GPAT3: variants seen among roughly 807,000 people sequenced by gnomAD.
GPAT3 encodes 1-AGP acyltransferase 9.
A neutral mutation model predicts 58.8 loss-of-function variants in GPAT3; 53 were observed. That is an observed-to-expected ratio of 0.90 (90% CI 0.72 to 1.13). GPAT3 has a LOEUF of 1.13. GPAT3 is among the 50% of genes most tolerant of loss of function. GPAT3 has a pLI of 0.00. For missense variants in GPAT3, 511 were observed against 527.6 expected, an observed-to-expected ratio of 0.97 and a Z score of 0.31; for synonymous variants, 197 against 187.4, an observed-to-expected ratio of 1.05 and a Z score of -0.42.
At chr4:83,536,883 C>A in intron 1 of GPAT3, 120 bp downstream of exon 1, 1 of 902,906 alleles carries the variant, frequency 1.1e-6, no homozygotes, top group Non-Finnish European at 1.7e-6. Context: ...TGCATGCGTG[C>A]GTGCATTTCT....
intron 2 of GPAT3, among the ~76,000 whole-genome samples, chr4:83,563,152 C>G (rs1725243210): frequency 6.6e-6 from 1 of 152,200 alleles, no homozygotes; most frequent in South Asian, 2.1e-4. Flanking sequence ...AACCATCATA[C>G]TGATGTTTTT....
rs965002452 is a variant in GPAT3, at chr4:83,590,182, A to T, written c.645-17A>T. 1 of 1,606,592 alleles carries T rather than the reference A, an allele frequency of 6.2e-7. No individual in the cohort carries two copies. The highest frequency in any genetic ancestry group is 1.1e-5 in the South Asian group (1 of 89,892). ...TATTTTAGAAGACTTCGAATTTTCCATTGTTTGTAATTGCAGGCAGTACAG... is the reference window on the plus strand; with the variant it reads ...TATTTTAGAAGACTTCGAATTTTCCTTTGTTTGTAATTGCAGGCAGTACAG... On this transcript the variant is annotated splice_polypyrimidine_tract_variant and intron_variant, in intron 5 of 11. Coordinates refer to ENST00000264409, the MANE Select transcript of GPAT3 (RefSeq NM_032717.5).
At chr4:83,549,180 A>AG (rs397970588) in intron 2 of GPAT3, among the ~76,000 whole-genome samples, 3 of 151,390 alleles carry the variant, frequency 2.0e-5, no homozygotes, top group Non-Finnish European at 4.4e-5. Flanking sequence ...AAAAAAAAAA[A>AG]GAAAATTGAG....
chr4:83,590,981 GCAGGATAATTGAAGCTGCATGGTAGTTA>G (rs533283281), intron 6 of GPAT3, among the ~76,000 whole-genome samples: 38 of 144,378 alleles, frequency 2.6e-4, no homozygotes, highest in African/African-American at 9.5e-4. Flanking sequence ...GGTAAATTCT[GCAGGATAATTGAAGCTGCATGGTAGTTA>G]AATATGCCTT....
At chr4:83,542,112 C>G (rs1274212564) in intron 1 of GPAT3, among the ~76,000 whole-genome samples, 1 of 152,132 alleles carries the variant, frequency 6.6e-6, no homozygotes, top group Non-Finnish European at 1.5e-5. Flanking sequence ...GGAATACCAG[C>G]ATTTTCCATC....
chr4:83,593,166 C>CTTTTTTT (rs761351611), intron 6 of GPAT3, among the ~76,000 whole-genome samples: 1 of 112,356 alleles, frequency 8.9e-6, no homozygotes, highest in African/African-American at 3.1e-5. Flanking sequence ...CGAGCCAGGA[C>CTTTTTTT]TTTTTTTTTT....
At chr4:83,556,382 C>G (rs981452940) in intron 2 of GPAT3, among the ~76,000 whole-genome samples, 7 of 152,002 alleles carry the variant, frequency 4.6e-5, no homozygotes, top group African/African-American at 1.7e-4. Flanking sequence ...GCTGTAATCC[C>G]AGCTACTTGG....
chr4:83,603,222 G>A (rs1294313328), intron 11 of GPAT3, among the ~76,000 whole-genome samples: 1 of 152,220 alleles, frequency 6.6e-6, no homozygotes, highest in South Asian at 2.1e-4. Context: ...TAGATTAGGA[G>A]CCAGATAGTG....
chr4:83,547,482 G>T (rs1330119219), intron 2 of GPAT3, among the ~76,000 whole-genome samples: 1 of 151,568 alleles, frequency 6.6e-6, no homozygotes, highest in Non-Finnish European at 1.5e-5. Context: ...TCGATCTCCT[G>T]ACCTTGTGAT....
At chr4:83,572,121 G>T (rs1725632768) in intron 2 of GPAT3, among the ~76,000 whole-genome samples, 1 of 152,196 alleles carries the variant, frequency 6.6e-6, no homozygotes, top group African/African-American at 2.4e-5. Context: ...TAATATATCT[G>T]GGAGTGGGCC....
intron 2 of GPAT3, among the ~76,000 whole-genome samples, chr4:83,576,453 T>TTTAC (rs980433301): frequency 2.3e-4 from 34 of 149,964 alleles, no homozygotes; most frequent in Non-Finnish European, 4.1e-4. Flanking sequence ...TATTTATTTA[T>TTTAC]TTACTTTTGA....
intron 2 of GPAT3, among the ~76,000 whole-genome samples, chr4:83,550,984 A>C (rs1350104533): frequency 6.6e-6 from 1 of 152,228 alleles, no homozygotes; most frequent in African/African-American, 2.4e-5. Flanking sequence ...TACGTACAAT[A>C]TTATAAAAAT....
At chr4:83,587,361 A>G in intron 4 of GPAT3, 32 bp downstream of exon 4, 1 of 1,564,840 alleles carries the variant, frequency 6.4e-7, no homozygotes, top group South Asian at 1.1e-5. Context: ...AGCCATATAT[A>G]GGACTGTCTT....
intron 2 of GPAT3, among the ~76,000 whole-genome samples, chr4:83,574,794 G>C (rs1425449388): frequency 1.4e-5 from 2 of 147,530 alleles, no homozygotes; most frequent in East Asian, 3.9e-4. Context: ...AATTGAATCT[G>C]TGTCAGCTAA....
At chr4:83,561,756 G>C (rs1725133327) in intron 2 of GPAT3, among the ~76,000 whole-genome samples, 1 of 150,342 alleles carries the variant, frequency 6.7e-6, no homozygotes. Flanking sequence ...CAGGCATTTT[G>C]TAATTGAGGA....
Position 83,536,384 on chromosome 4 carries a change from C to T in GPAT3, c.-239C>T. On this transcript the variant is annotated 5_prime_UTR_variant, in exon 1 of 12. Transcript: ENST00000264409. ...TCCGCACGCCGCGGTGGCTTCAGCC[C>T]AGACCTGGGCAGCCAGCGGAGAAAG... 1.5e-6 allele frequency: 2 copies of T among 1,309,450 alleles called. No individual in the cohort carries two copies. Among genetic ancestry groups the T allele is most frequent in the Non-Finnish European group, 1.9e-6 (2 of 1,027,542 alleles). 81.1% of individuals were successfully genotyped at this position (1,309,450 alleles called of 1,614,324 possible).
chr4:83,572,409 T>G (rs370312819), intron 2 of GPAT3, among the ~76,000 whole-genome samples: 15 of 152,228 alleles, frequency 9.9e-5, no homozygotes, highest in Admixed American at 3.3e-4. Context: ...GTAGAAAGAA[T>G]AGTACAATTA....
At position 83,536,234 on chromosome 4, in the gene GPAT3, C is replaced by G. The variant is rs1264672564; in HGVS notation, c.-389C>G. The G allele has an allele frequency of 4.0e-6, 4 of 999,618 alleles. No homozygotes were observed. Among genetic ancestry groups the G allele is most frequent in the Non-Finnish European group, 4.8e-6 (4 of 839,448 alleles). 61.9% of individuals were successfully genotyped at this position (999,618 alleles called of 1,614,324 possible). Reference sequence around the variant, plus strand: ...GAGTCATCTGCTGAGTTGTCGCAATCGCCACCCAGAGGAAATCAGGCACCG... The same window carrying G: ...GAGTCATCTGCTGAGTTGTCGCAATGGCCACCCAGAGGAAATCAGGCACCG... On this transcript the variant is annotated 5_prime_UTR_variant, in exon 1 of 12. In the 5' UTR this introduces an upstream ATG that the reference lacks. Coordinates refer to ENST00000264409, the MANE Select transcript of GPAT3 (RefSeq NM_032717.5).
At chr4:83,544,657 A>G (rs1040298182) in intron 2 of GPAT3, 55 bp downstream of exon 2, 2 of 1,534,044 alleles carry the variant, frequency 1.3e-6, no homozygotes, top group African/African-American at 2.7e-5. Context: ...GTGGATGTAA[A>G]CCTACCCAAT....
Sources: gnomAD v4.1 joint callset for allele counts (sites outside exome capture counted in the v4.1 genomes callset) on GRCh38, gnomAD v4.1.1 for gene constraint, MANE v1.5 for transcripts, NCBI Gene and HGNC (gene_info 2026-07-23, HGNC 2026-07-21) for gene names.